Variants in TRAPPC9 observed in about 807,000 individuals in gnomAD.
TRAPPC9 encodes the protein trafficking protein particle complex subunit 9.
A neutral mutation model predicts 124.0 loss-of-function variants in TRAPPC9; 83 were observed. That is an observed-to-expected ratio of 0.67 (90% CI 0.56 to 0.80). The LOEUF (loss-of-function observed/expected upper bound fraction) is 0.80, where lower values mean the gene tolerates loss of function less well. TRAPPC9 is among the 30% of genes least tolerant of loss of function. The pLI is 0.00. For synonymous variants in TRAPPC9, 638 were observed against 617.5 expected (o/e 1.03, Z -0.49); for missense variants, 1,302 against 1,508.3 (o/e 0.86, Z 2.27).
chr8:140,037,531 A>G (rs1587556368), intron 17 of TRAPPC9, among the ~76,000 whole-genome samples: 1 of 151,900 alleles, frequency 6.6e-6, no homozygotes, highest in Non-Finnish European at 1.5e-5. Flanking sequence ...GCCCTTCCAC[A>G]TCGGACCCCT....
chr8:140,275,998 G>C (rs151194227), intron 14 of TRAPPC9, among the ~76,000 whole-genome samples, 177 bp from the exon 15 acceptor site: 3 of 152,324 alleles, frequency 2.0e-5, no homozygotes, highest in African/African-American at 7.2e-5. Context: ...AAAGTGAGCT[G>C]CCACATGCCT....
intron 21 of TRAPPC9, among the ~76,000 whole-genome samples, chr8:139,809,839 C>T (rs1056582304): frequency 1.4e-4 from 22 of 152,150 alleles, no homozygotes; most frequent in African/African-American, 5.3e-4. Flanking sequence ...ACCCCACATG[C>T]CAGCCCCTGA....
intron 20 of TRAPPC9, among the ~76,000 whole-genome samples, chr8:139,904,276 C>A (rs796909559): frequency 5.3e-5 from 8 of 152,344 alleles, no homozygotes; most frequent in African/African-American, 1.9e-4. Context: ...TAATTAAAGA[C>A]TGTAACTAAC....
intron 19 of TRAPPC9, among the ~76,000 whole-genome samples, chr8:139,935,724 G>A (rs1191411771): frequency 7.1e-6 from 1 of 140,218 alleles, no homozygotes; most frequent in Non-Finnish European, 1.5e-5. Context: ...TTTGCCGTAT[G>A]AACTCGGGCA....
rs372661804 is a variant in TRAPPC9, at chr8:140,431,181, G to A, written c.859+3931C>T. ...AAGAACTACTGACCCTCCTCGCCGG[G>A]CGCGGTGGCTCACGCCTGTAATCCC... On this transcript the variant is annotated intron_variant, in intron 4 of 22. Transcript: ENST00000438773. 1.4e-4 allele frequency among the ~76,000 whole-genome samples: 22 copies of A among 152,078 alleles called. No homozygotes were observed. In the East Asian group the frequency reaches 2.5e-3, roughly 18 times the overall value.
chr8:140,037,534 G>A (rs1012121931), intron 17 of TRAPPC9, among the ~76,000 whole-genome samples: 1 of 151,470 alleles, frequency 6.6e-6, no homozygotes, highest in African/African-American at 2.4e-5. Flanking sequence ...CTTCCACATC[G>A]GACCCCTACT....
chr8:139,851,883 A>G (rs1266496874), intron 21 of TRAPPC9, among the ~76,000 whole-genome samples: 1 of 152,136 alleles, frequency 6.6e-6, no homozygotes, highest in East Asian at 1.9e-4. Flanking sequence ...GGAGAAGGAC[A>G]CTGGATTTGG....
chr8:140,270,086 C>T (rs566390984), intron 15 of TRAPPC9, among the ~76,000 whole-genome samples: 1 of 151,526 alleles, frequency 6.6e-6, no homozygotes, highest in East Asian at 1.9e-4. Context: ...GGCAACAGAG[C>T]GAGACTCCAT....
intron 19 of TRAPPC9, among the ~76,000 whole-genome samples, chr8:139,920,704 CAGCTCA>C (rs763570272): frequency 8.5e-5 from 13 of 152,240 alleles, no homozygotes; most frequent in Non-Finnish European, 1.8e-4. Context: ...GCGTCATGTT[CAGCTCA>C]CAGTAAGCTG....
chr8:139,938,972 A>T (rs1415182209), intron 19 of TRAPPC9, among the ~76,000 whole-genome samples: 2 of 152,188 alleles, frequency 1.3e-5, no homozygotes, highest in Non-Finnish European at 2.9e-5. Context: ...GCCAAAGGAG[A>T]GAAATAAGAC....
At chr8:140,284,104 G>A (rs867557914) in intron 13 of TRAPPC9, 83 bp from the exon 14 acceptor site, 25 of 1,580,850 alleles carry the variant, frequency 1.6e-5, no homozygotes, top group South Asian at 2.2e-5. Context: ...GAAGAGTACG[G>A]GGCTCCTCTT....
intron 9 of TRAPPC9, among the ~76,000 whole-genome samples, chr8:140,332,337 G>A (rs113943452): frequency 7.2e-5 from 11 of 152,226 alleles, no homozygotes; most frequent in Non-Finnish European, 1.3e-4. Context: ...GGAAGGATAG[G>A]GAGAGGTTGG....
chr8:140,188,717 T>C (rs528294503), intron 17 of TRAPPC9, among the ~76,000 whole-genome samples: 31 of 152,352 alleles, frequency 2.0e-4, no homozygotes, highest in African/African-American at 7.0e-4. Context: ...TTCACTTTCC[T>C]GACTGCCCCC....
In TRAPPC9 at chr8:140,071,314, G is replaced by A. The variant is rs74558362; in HGVS notation, c.2557-47235C>T. Among the ~76,000 whole-genome samples the A allele has an allele frequency of 4.2e-3, 636 of 152,260 alleles. 9 individuals carry two copies. The highest frequency in any genetic ancestry group is 0.015 in the African/African-American group (606 of 41,562). ...ACCAGCCCTCGACACTCACAGTCTC[G>A]CTCTCACTCCAGCGGTCATGCTGCT... On this transcript the variant is annotated intron_variant, in intron 17 of 22. Coordinates refer to ENST00000438773, the MANE Select transcript of TRAPPC9 (RefSeq NM_001160372.4).
chr8:140,400,931 A>AT (rs1297893550), intron 6 of TRAPPC9, among the ~76,000 whole-genome samples: 2 of 151,850 alleles, frequency 1.3e-5, no homozygotes, highest in East Asian at 1.9e-4. Context: ...CCTTATTTTT[A>AT]TTTTTTTTCC....
chr8:140,193,896 G>T (rs1040482463), intron 17 of TRAPPC9, among the ~76,000 whole-genome samples: 1 of 152,210 alleles, frequency 6.6e-6, no homozygotes, highest in Admixed American at 6.5e-5. Flanking sequence ...ACGCAAAGAA[G>T]GCTCCCAGTA....
intron 17 of TRAPPC9, among the ~76,000 whole-genome samples, chr8:140,169,790 T>C (rs764930101): frequency 1.3e-5 from 2 of 152,022 alleles, no homozygotes; most frequent in Non-Finnish European, 2.9e-5. Context: ...TAGATGGGTA[T>C]AGGGTTTCCT....
At chr8:140,061,107 C>A (rs528830725) in intron 17 of TRAPPC9, among the ~76,000 whole-genome samples, 1 of 152,320 alleles carries the variant, frequency 6.6e-6, no homozygotes, top group South Asian at 2.1e-4. Flanking sequence ...TCATTCAAAT[C>A]TAATGAGAAG....
At chr8:139,759,357 T>A (rs2130335922) in intron 21 of TRAPPC9, among the ~76,000 whole-genome samples, 1 of 152,278 alleles carries the variant, frequency 6.6e-6, no homozygotes, top group Non-Finnish European at 1.5e-5. Context: ...CATGGTCCCC[T>A]GGAATCCTTG....
Sources: gnomAD v4.1 joint callset for allele counts (sites outside exome capture counted in the v4.1 genomes callset) on GRCh38, gnomAD v4.1.1 for gene constraint, MANE v1.5 for transcripts, NCBI Gene and HGNC (gene_info 2026-07-23, HGNC 2026-07-21) for gene names.